Variants in C8B observed in about 807,000 individuals in gnomAD.
C8B encodes the protein complement component C8 beta chain.
Under a neutral mutation model 64.6 loss-of-function variants are expected in C8B, and 67 were observed. The observed-to-expected ratio is 1.04, with a 90% confidence interval of 0.85 to 1.27. The LOEUF is 1.27. Among genes scored for constraint, C8B ranks in the 50% most tolerant of loss-of-function variants. The probability of loss-of-function intolerance (pLI) is 0.00; values close to 1 mark genes in which losing one functional copy is unlikely to be tolerated. For missense variants in C8B, 790 were observed against 725.2 expected, an observed-to-expected ratio of 1.09 and a Z score of -1.03; for synonymous variants, 284 against 257.7, an observed-to-expected ratio of 1.10 and a Z score of -0.98.
chr1:56,957,786 T>G (rs1182722432), intron 2 of C8B, among the ~76,000 whole-genome samples: 1 of 152,146 alleles, frequency 6.6e-6, no homozygotes, highest in Non-Finnish European at 1.5e-5. Flanking sequence ...CCCAGGCAGT[T>G]GCAGCACAGT....
rs372703529 is a variant in C8B at position 56,929,453 on chromosome 1, C to T, written c.1727G>A (p.Gly576Glu). The T allele has an allele frequency of 8.1e-6, 13 of 1,612,728 alleles. 1 individual carries two copies. The highest frequency in any genetic ancestry group is 1.9e-4 in the Middle Eastern group (1 of 5,134). ...AGCAGGGCCTGAACAGGGGCTACCCCCATTTTGAGGAGGTGGATTGTTACA... is the reference window on the plus strand; with the variant it reads ...AGCAGGGCCTGAACAGGGGCTACCCTCATTTTGAGGAGGTGGATTGTTACA... ...RQCNNPPPQNGGSPCSGPASE... is the reference protein window; with the variant it reads ...RQCNNPPPQNEGSPCSGPASE... The change falls in exon 12 of 12, where the codon GGG becomes GAG. Residue 576 changes from glycine (G) to glutamate (E), a missense_variant. Physicochemically the swap from Gly to Glu is moderately conservative, Grantham distance 98. Coordinates refer to ENST00000371237, the MANE Select transcript of C8B (RefSeq NM_000066.4).
At chr1:56,962,519 A>G (rs1039586663) in intron 1 of C8B, among the ~76,000 whole-genome samples, 2 of 152,180 alleles carry the variant, frequency 1.3e-5, no homozygotes, top group African/African-American at 4.8e-5. Flanking sequence ...CCTGATGGAC[A>G]TTTTGACCAA....
intron 3 of C8B, among the ~76,000 whole-genome samples, chr1:56,955,848 C>G (rs554206793): frequency 1.3e-5 from 2 of 152,224 alleles, no homozygotes; most frequent in Non-Finnish European, 2.9e-5. Context: ...AGAATTGCAA[C>G]TTCCATCTAG....
chr1:56,936,071 C>T (rs1415945175), intron 9 of C8B, among the ~76,000 whole-genome samples: 2 of 152,180 alleles, frequency 1.3e-5, no homozygotes, highest in African/African-American at 4.8e-5. Context: ...CATTTCCTTT[C>T]TTTCTTTTCC....
chr1:56,939,523 G>A (rs1644819967), intron 9 of C8B, among the ~76,000 whole-genome samples: 1 of 152,170 alleles, frequency 6.6e-6, no homozygotes, highest in African/African-American at 2.4e-5. Context: ...CAGTGAGTAG[G>A]TACTGGCCCA....
chr1:56,935,682 G>A lies in C8B; in HGVS notation c.1399-2194C>T, dbSNP rs1001365117. On this transcript the variant is annotated intron_variant, in intron 9 of 11. Transcript: ENST00000371237. ...ATCTTTGCAACAATCTTATGAGTTC[G>A]TTAGTCTTTTGTTTCCTTCTTGTAC... 3.3e-5 allele frequency among the ~76,000 whole-genome samples: 5 copies of A among 152,140 alleles called. No individual in the cohort carries two copies. In the South Asian group the frequency reaches 6.2e-4, roughly 19 times the overall value.
intron 6 of C8B, among the ~76,000 whole-genome samples, chr1:56,947,930 C>T (rs932833400): frequency 7.6e-6 from 1 of 130,968 alleles, no homozygotes. Context: ...GACTCTGTCT[C>T]AAAAACAAAA....
intron 9 of C8B, among the ~76,000 whole-genome samples, chr1:56,937,673 A>AC (rs1366297445): frequency 2.0e-5 from 3 of 152,010 alleles, no homozygotes; most frequent in African/African-American, 7.3e-5. Flanking sequence ...AAAAACAAAT[A>AC]ATTTTTTTTA....
chr1:56,962,411 G>T (rs1645192131), intron 1 of C8B, among the ~76,000 whole-genome samples: 1 of 152,140 alleles, frequency 6.6e-6, no homozygotes, highest in African/African-American at 2.4e-5. Flanking sequence ...TAGTTCCTGG[G>T]ACTAACGAGG....
intron 5 of C8B, among the ~76,000 whole-genome samples, chr1:56,951,806 T>C (rs1213130976): frequency 2.6e-5 from 4 of 152,214 alleles, no homozygotes; most frequent in Non-Finnish European, 4.4e-5. Context: ...TTTATTTCTA[T>C]CTTCAAGGTA....
chr1:56,961,434 C>T (rs1003859142), intron 1 of C8B, among the ~76,000 whole-genome samples: 5 of 152,242 alleles, frequency 3.3e-5, no homozygotes, highest in South Asian at 2.1e-4. Flanking sequence ...ATGAGGGAAG[C>T]GGCCCAGAGA....
chr1:56,942,173 G>T (rs1163105979), intron 8 of C8B, among the ~76,000 whole-genome samples: 1 of 152,202 alleles, frequency 6.6e-6, no homozygotes, highest in Non-Finnish European at 1.5e-5. Context: ...AGAGATGAAG[G>T]TACTTACCAG....
intron 2 of C8B, among the ~76,000 whole-genome samples, chr1:56,957,266 T>C (rs1468510863): frequency 1.3e-5 from 2 of 152,194 alleles, no homozygotes; most frequent in Non-Finnish European, 2.9e-5. Flanking sequence ...GATGGACTCA[T>C]GTAGCCAGTT....
In C8B at chr1:56,946,058, T is replaced by A; in HGVS notation, c.868A>T (p.Ser290Cys). 1 of 1,614,098 alleles carries A rather than the reference T, an allele frequency of 6.2e-7. No homozygotes were observed. Among genetic ancestry groups the A allele is most frequent in the Non-Finnish European group, 8.5e-7 (1 of 1,180,004 alleles). Residue 290 changes from serine to cysteine, a missense_variant, in exon 7 of 12, where the codon AGC (serine) becomes TGC (cysteine). Ser to Cys is a moderately radical substitution (Grantham distance 112). Transcript: ENST00000371237. ...TCAGAGCGTGCATGCAGAAATACGC[T>A]TTTCTAAATGAAATACCAACATGGG... ...RRTKRFSHTK[S>C]VFLHARSDLE...
intron 9 of C8B, among the ~76,000 whole-genome samples, chr1:56,939,684 C>T (rs1220869302): frequency 6.6e-6 from 1 of 152,216 alleles, no homozygotes; most frequent in Non-Finnish European, 1.5e-5. Context: ...CATTGTAAAA[C>T]TCCTCTAGTT....
chr1:56,944,180 C>T (rs1161909910), intron 7 of C8B, among the ~76,000 whole-genome samples: 13 of 152,172 alleles, frequency 8.5e-5, no homozygotes, highest in Non-Finnish European at 2.9e-5. Context: ...CCTGCCCTCC[C>T]TGACCCACCC....
chr1:56,950,226 G>A (rs967957760), intron 5 of C8B, among the ~76,000 whole-genome samples: 1 of 152,168 alleles, frequency 6.6e-6, no homozygotes, highest in African/African-American at 2.4e-5. Context: ...CCTAGCAGAG[G>A]GAGTAGATCA....
At chr1:56,963,921 A>G (rs193146513) in intron 1 of C8B, 1 of 985,272 alleles carries the variant, frequency 1.0e-6, no homozygotes, top group Non-Finnish European at 1.2e-6. Flanking sequence ...TTTGGCCAAT[A>G]CGAAGGTGGT....
At chr1:56,938,775 T>C (rs1216473748) in intron 9 of C8B, among the ~76,000 whole-genome samples, 1 of 152,218 alleles carries the variant, frequency 6.6e-6, no homozygotes, top group Non-Finnish European at 1.5e-5. Flanking sequence ...AAATTGCTTG[T>C]CTACTGGGCT....
Sources: allele counts gnomAD v4.1 joint callset (sites outside exome capture counted in the v4.1 genomes callset), GRCh38; gene constraint gnomAD v4.1.1; transcripts MANE v1.5; gene names NCBI Gene and HGNC (gene_info 2026-07-23, HGNC 2026-07-21).